The following HP1BP3 variants were observed in gnomAD, a reference collection of about 807,000 sequenced individuals.
HP1BP3 encodes the protein heterochromatin protein 1 binding protein 3, also known as heterochromatin protein 1-binding protein 3.
Under a neutral mutation model 62.5 loss-of-function variants are expected in HP1BP3, and 12 were observed. That is an observed-to-expected ratio of 0.19 (90% CI 0.12 to 0.31). HP1BP3 has a LOEUF of 0.31. Ranked by LOEUF, HP1BP3 falls within the 10% of genes least tolerant of loss-of-function variation. The pLI is 1.00. For missense variants in HP1BP3, 502 were observed against 651.8 expected, an observed-to-expected ratio of 0.77 and a Z score of 2.50; for synonymous variants, 260 against 237.8, an observed-to-expected ratio of 1.09 and a Z score of -0.86.
chr1:20,744,973 T>C lies in HP1BP3; in HGVS notation c.1486A>G (p.Lys496Glu). Reference protein sequence around the residue: ...AQRGKARPLPKKAPPKAKTPA... With the variant: ...AQRGKARPLPEKAPPKAKTPA... ...GTTTTGGCCTTAGGAGGTGCTTTCT[T>C]AGGCAAGGGCCTAGCTTTCCCCCGC... The change falls in exon 13 of 13, where the codon AAG (lysine) becomes GAG (glutamate). Residue 496 changes from lysine (K) to glutamate (E), a missense_variant. This residue lies in a region of HP1BP3 where 194 missense variants were observed against 207.0 expected (regional missense o/e 0.94). Coordinates refer to ENST00000438032, the MANE Select transcript of HP1BP3 (RefSeq NM_001372052.1). 1.2e-6 allele frequency: 2 copies of C among 1,614,184 alleles called. 1 individual carries two copies. Among genetic ancestry groups the C allele is most frequent in the Middle Eastern group, 3.3e-4 (2 of 6,060 alleles).
chr1:20,746,226 GTT>G (rs1491167570), intron 11 of HP1BP3, among the ~76,000 whole-genome samples: 3 of 124,430 alleles, frequency 2.4e-5, no homozygotes, highest in Admixed American at 8.3e-5. Flanking sequence ...GTGTGTGTGT[GTT>G]TCTTGCCTTT....
intron 9 of HP1BP3, 26 bp from the exon 10 acceptor site, chr1:20,749,908 G>A: frequency 6.2e-7 from 1 of 1,603,640 alleles, no homozygotes. Flanking sequence ...GAAGAGAAAA[G>A]CATCAAGACA....
At chr1:20,769,982 A>G (rs2056979894) in intron 6 of HP1BP3, among the ~76,000 whole-genome samples, 1 of 152,134 alleles carries the variant, frequency 6.6e-6, no homozygotes, top group African/African-American at 2.4e-5. Flanking sequence ...GGTTTTTAAA[A>G]TTTTTGCCAC....
At chr1:20,782,484 G>C (rs1049377458) in intron 1 of HP1BP3, among the ~76,000 whole-genome samples, 2 of 152,078 alleles carry the variant, frequency 1.3e-5, no homozygotes, top group Admixed American at 1.3e-4. Flanking sequence ...TTGGGAAGCT[G>C]AGACTGGGAG....
chr1:20,762,717 C>G (rs1189152876), intron 8 of HP1BP3, among the ~76,000 whole-genome samples: 1 of 152,098 alleles, frequency 6.6e-6, no homozygotes, highest in Admixed American at 6.5e-5. Flanking sequence ...CCTTTCCAGA[C>G]CAAACCAACA....
chr1:20,776,297 G>A (rs2057302174), intron 4 of HP1BP3: 1 of 427,336 alleles, frequency 2.3e-6, no homozygotes, highest in Non-Finnish European at 4.1e-6. Flanking sequence ...TCTTATTGAA[G>A]TCTTGCCAAT....
rs941911423 is a variant in HP1BP3, at chr1:20,745,077, G to A, written c.1382C>T (p.Thr461Ile). 3.7e-6 allele frequency: 6 copies of A among 1,607,698 alleles called. No individual in the cohort carries two copies. The highest frequency in any genetic ancestry group is 5.1e-6 in the Non-Finnish European group (6 of 1,178,052). The change falls in exon 13 of 13, where the codon ACC becomes ATC. Residue 461 changes from threonine (T) to isoleucine (I), a missense_variant. By Grantham distance (89) the Thr-to-Ile change is moderately conservative. Transcript: ENST00000438032. ...PPPKRRLQKKTPAKSPGKAAS... is the reference protein window; with the variant it reads ...PPPKRRLQKKIPAKSPGKAAS... ...GGCCTTCCCTGGGGACTTGGCTGGG[G>A]TTTTCTTCTGCAACCTGTGAGAACC... is the stretch of plus-strand genomic sequence containing the variant.
rs1570687430 is a variant in HP1BP3 at position 20,782,918 on chromosome 1, A to G, written c.-100-2378T>C. ...CCTTCTCAAAAAAAAGAAAAAAAAAAAAAAAAAAAGAAAGAAAAAACCCAC... is the reference window on the plus strand; with the variant it reads ...CCTTCTCAAAAAAAAGAAAAAAAAAGAAAAAAAAAGAAAGAAAAAACCCAC... On this transcript the variant is annotated intron_variant, in intron 1 of 12. Coordinates refer to ENST00000438032, the MANE Select transcript of HP1BP3 (RefSeq NM_001372052.1). Among the ~76,000 whole-genome samples, 3 of 151,068 alleles carry G rather than the reference A, an allele frequency of 2.0e-5. No individual in the cohort carries two copies. The South Asian group carries it at 6.2e-4, about 31-fold the overall frequency.
chr1:20,760,822 C>T (rs2056425184), intron 8 of HP1BP3, among the ~76,000 whole-genome samples: 2 of 152,068 alleles, frequency 1.3e-5, no homozygotes, highest in African/African-American at 4.8e-5. Flanking sequence ...GGCAACAGAA[C>T]AAGATTCCTT....
At position 20,743,639 on chromosome 1, in the gene HP1BP3, C is replaced by G. The variant is rs528631281; in HGVS notation, c.*1158G>C. On this transcript the variant is annotated 3_prime_UTR_variant, in exon 13 of 13. Transcript: ENST00000438032. ...TCACACCACTGCACTCCACACTGGG[C>G]GACAGAGCGAGACTCTGTCTCAAAA... The G allele has an allele frequency of 1.3e-5, 2 of 151,336 alleles. No homozygotes were observed. Among genetic ancestry groups the G allele is most frequent in the Non-Finnish European group, 2.9e-5 (2 of 67,886 alleles). 9.4% of individuals were successfully genotyped at this position (151,336 alleles called of 1,614,324 possible).
At chr1:20,749,920 C>T in intron 9 of HP1BP3, 38 bp from the exon 10 acceptor site, 1 of 1,596,892 alleles carries the variant, frequency 6.3e-7, no homozygotes, top group Non-Finnish European at 8.5e-7. Flanking sequence ...ATCAAGACAA[C>T]ACTCTCCCAA....
rs2055429977 is a variant in HP1BP3 at position 20,747,730 on chromosome 1, C to T, written c.1142-75G>A. ...TAATTCCCTCAACCACAAACAGATGCCCATCAATTTAATATCCTGTCACAT... is the reference window on the plus strand; with the variant it reads ...TAATTCCCTCAACCACAAACAGATGTCCATCAATTTAATATCCTGTCACAT... On this transcript the variant is annotated intron_variant, in intron 10 of 12. Coordinates refer to ENST00000438032, the MANE Select transcript of HP1BP3 (RefSeq NM_001372052.1). The T allele has an allele frequency of 1.3e-5, 11 of 826,116 alleles. No individual in the cohort carries two copies. The East Asian group carries it at 2.5e-4, about 19-fold the overall frequency. The allele number at this position is 826,116 out of a possible 1,614,324, so 51.2% of individuals were successfully genotyped here.
chr1:20,781,473 C>A (rs2057543326), intron 1 of HP1BP3, among the ~76,000 whole-genome samples: 1 of 152,164 alleles, frequency 6.6e-6, no homozygotes. Context: ...TGCATTCACA[C>A]TTATCGGGAA....
At chr1:20,765,175 T>TAAAAAAAA (rs4057761) in intron 8 of HP1BP3, among the ~76,000 whole-genome samples, 9 of 57,348 alleles carry the variant, frequency 1.6e-4, no homozygotes, top group Admixed American at 2.0e-4. Context: ...CTCAAAAAAC[T>TAAAAAAAA]AAAAAAAAAA....
intron 8 of HP1BP3, among the ~76,000 whole-genome samples, chr1:20,761,644 T>C (rs942020456): frequency 6.6e-6 from 1 of 152,206 alleles, no homozygotes; most frequent in Non-Finnish European, 1.5e-5. Flanking sequence ...GCTAGATTCA[T>C]ACATTTGTGA....
In HP1BP3 at chr1:20,776,709, C is replaced by G. The variant is rs1367114095; in HGVS notation, c.238G>C (p.Glu80Gln). Residue 80 changes from glutamate to glutamine, a missense_variant, in exon 4 of 13, where the codon GAA becomes CAA. Transcript: ENST00000438032. Reference sequence around the variant, plus strand: ...GCAGGTGGAGTTTCATTCTCTTGTTCTTCTACAGTGGAGACAGATTCCTCT... The same window carrying G: ...GCAGGTGGAGTTTCATTCTCTTGTTGTTCTACAGTGGAGACAGATTCCTCT... ...SSEESVSTVEEQENETPPATS... is the reference protein window; with the variant it reads ...SSEESVSTVEQQENETPPATS... The G allele has an allele frequency of 6.2e-7, 1 of 1,613,842 alleles. No individual in the cohort carries two copies. The highest frequency in any genetic ancestry group is 8.5e-7 in the Non-Finnish European group (1 of 1,179,864).
intron 9 of HP1BP3, among the ~76,000 whole-genome samples, chr1:20,753,913 T>C (rs1169871022): frequency 6.6e-6 from 1 of 152,174 alleles, no homozygotes; most frequent in Non-Finnish European, 1.5e-5. Context: ...TATAGCTAAC[T>C]TGTGAAGGAC....
At chr1:20,766,982 G>A (rs946973344) in intron 7 of HP1BP3, among the ~76,000 whole-genome samples, 1 of 147,874 alleles carries the variant, frequency 6.8e-6, no homozygotes, top group Non-Finnish European at 1.5e-5. Context: ...AAAAAACAGA[G>A]GACTCTTATA....
intron 7 of HP1BP3, 150 bp downstream of exon 7, chr1:20,767,434 A>T: frequency 1.4e-6 from 1 of 691,840 alleles, no homozygotes; most frequent in Non-Finnish European, 2.6e-6. Flanking sequence ...TACTCACTAG[A>T]GGAACAAATT....
Sources: gnomAD v4.1 joint callset for allele counts (sites outside exome capture counted in the v4.1 genomes callset) on GRCh38, gnomAD v4.1.1 for gene constraint, gnomAD v4.1.1 regional missense constraint, MANE v1.5 for transcripts, NCBI Gene and HGNC (gene_info 2026-07-23, HGNC 2026-07-21) for gene names.